DNMT1: variants seen among roughly 807,000 people sequenced by gnomAD.
DNMT1 encodes the protein DNA (cytosine-5)-methyltransferase 1.
In DNMT1, 24 loss-of-function variants were observed where a neutral mutation model predicts 205.3. That is an observed-to-expected ratio of 0.12 (90% CI 0.08 to 0.16). The LOEUF is 0.16. DNMT1 is among the 10% of genes least tolerant of loss of function. The probability of loss-of-function intolerance (pLI) is 1.00; values close to 1 mark genes in which losing one functional copy is unlikely to be tolerated. For synonymous variants in DNMT1, 817 were observed against 839.8 expected (o/e 0.97, Z 0.47); for missense variants, 1,293 against 2,177.7 (o/e 0.59, Z 8.09).
Position 10,146,097 on chromosome 19 carries a change from C to T in DNMT1, c.2894+254G>A, listed in dbSNP as rs546301879. ...CCCACTGCCTCGGCCTCCCAAAGCG[C>T]TGGGATTACAGGCGTGAGAAACCAC... On this transcript the variant is annotated intron_variant, in intron 28 of 40. Coordinates refer to ENST00000359526, the MANE Select transcript of DNMT1 (RefSeq NM_001130823.3). The surrounding 1 kb of genome is among the most constrained non-coding windows in gnomAD (Gnocchi z 4.4). Among the ~76,000 whole-genome samples, 5 of 152,188 alleles carry T rather than the reference C, an allele frequency of 3.3e-5. No individual in the cohort carries two copies. The highest frequency in any genetic ancestry group is 5.9e-5 in the Non-Finnish European group (4 of 68,034).
At chr19:10,175,404 G>T in intron 7 of DNMT1, 136 bp downstream of exon 7, 1 of 874,794 alleles carries the variant, frequency 1.1e-6, no homozygotes, top group South Asian at 1.4e-5. Flanking sequence ...ACATTCTATT[G>T]GTCCTGTCTC....
chr19:10,148,782 G>C, intron 27 of DNMT1, 102 bp downstream of exon 27: 2 of 1,593,720 alleles, frequency 1.3e-6, no homozygotes, highest in Non-Finnish European at 1.7e-6. Flanking sequence ...GACACAAACT[G>C]GGGGGCCGTT....
rs1196902319 is a variant in DNMT1 at position 10,138,618 on chromosome 19, A to C, written c.3949-13T>G. On this transcript the variant is annotated splice_polypyrimidine_tract_variant and intron_variant, in intron 34 of 40. Transcript: ENST00000359526. The surrounding 1 kb of genome is among the most constrained non-coding windows in gnomAD (Gnocchi z 4.1). ...CGTACTGACCGGCCTGTGGGGGAGA[A>C]GGACGGACAACCCCACCGTCAGTGG... The C allele has an allele frequency of 6.3e-7, 1 of 1,599,232 alleles. No individual in the cohort carries two copies. Among genetic ancestry groups the C allele is most frequent in the Non-Finnish European group, 8.5e-7 (1 of 1,179,406 alleles).
chr19:10,194,359 A>AC (rs201354219), intron 1 of DNMT1, among the ~76,000 whole-genome samples: 2,791 of 151,188 alleles, frequency 0.018, 91 homozygotes, highest in African/African-American at 0.064. Context: ...GCACTGAGGG[A>AC]CCCCCCACCA....
chr19:10,142,264 A>T, intron 29 of DNMT1, 44 bp from the exon 30 acceptor site: 1 of 1,612,974 alleles, frequency 6.2e-7, no homozygotes, highest in Non-Finnish European at 8.5e-7. Context: ...CTTTGTGGTG[A>T]GCTTATGCTG....
chr19:10,172,958 G>T, intron 9 of DNMT1, 132 bp downstream of exon 9: 2 of 1,020,012 alleles, frequency 2.0e-6, no homozygotes, highest in Non-Finnish European at 3.0e-6. Context: ...AAAGTCAAAG[G>T]CATTTCGATC....
intron 26 of DNMT1, 126 bp from the exon 27 acceptor site, chr19:10,149,143 G>T (rs2038274994): frequency 7.6e-6 from 10 of 1,317,176 alleles, no homozygotes; most frequent in Non-Finnish European, 9.5e-6. Context: ...GGCCAACATG[G>T]TGAAACCCCG....
At chr19:10,193,228 TGGG>T (rs2039334775) in intron 1 of DNMT1, among the ~76,000 whole-genome samples, 1 of 152,076 alleles carries the variant, frequency 6.6e-6, no homozygotes, top group South Asian at 2.1e-4. Flanking sequence ...GGCATGGTGG[TGGG>T]CGCCTGTGGT....
At chr19:10,175,689 C>T in intron 6 of DNMT1, 71 bp from the exon 7 acceptor site, 1 of 1,420,410 alleles carries the variant, frequency 7.0e-7, no homozygotes, top group South Asian at 1.1e-5. Flanking sequence ...GAAGTGGACC[C>T]TCATTCACCA....
rs771213157 is a variant in DNMT1 at position 10,146,557 on chromosome 19, C to T, written c.2721-33G>A. On this transcript the variant is annotated intron_variant, in intron 27 of 40. Coordinates refer to ENST00000359526, the MANE Select transcript of DNMT1 (RefSeq NM_001130823.3). The surrounding 1 kb of genome is among the most constrained non-coding windows in gnomAD (Gnocchi z 4.4). ...AAACAAAGGGACAGAAACATAAGGC[C>T]CTGAGGTGGCCGGCAGTGGCCGCAG... is the stretch of plus-strand genomic sequence containing the variant. 32 of 1,613,166 alleles carry T rather than the reference C, an allele frequency of 2.0e-5. No individual in the cohort carries two copies. Among genetic ancestry groups the T allele is most frequent in the African/African-American group, 2.7e-5 (2 of 74,920 alleles).
intron 37 of DNMT1, 114 bp from the exon 38 acceptor site, chr19:10,136,401 TG>T (rs2089484294): frequency 7.3e-7 from 1 of 1,369,792 alleles, no homozygotes; most frequent in Admixed American, 2.0e-5. Flanking sequence ...AGGGGCCCCC[TG>T]GGGTGGAGCA....
In DNMT1 at chr19:10,149,661, G is replaced by A. The variant is rs74505694; in HGVS notation, c.2382-4C>T. On this transcript the variant is annotated splice_polypyrimidine_tract_variant and splice_region_variant and intron_variant, in intron 25 of 40. Coordinates refer to ENST00000359526, the MANE Select transcript of DNMT1 (RefSeq NM_001130823.3). ...GTCCTCCCACAGCGCCGTGACCCTG[G>A]AATCAGAAGACGGGCATGGGGAGAA... is the stretch of plus-strand genomic sequence containing the variant. 4.0e-3 allele frequency: 6,533 copies of A among 1,613,518 alleles called. 131 individuals carry two copies. The highest frequency in any genetic ancestry group is 0.035 in the East Asian group (1,577 of 44,874).
At chr19:10,145,399 C>T (rs2038176683) in intron 28 of DNMT1, among the ~76,000 whole-genome samples, 1 of 152,194 alleles carries the variant, frequency 6.6e-6, no homozygotes, top group African/African-American at 2.4e-5. Flanking sequence ...TCTCATAATT[C>T]ACAGTAACTG....
chr19:10,150,806 T>C (rs1476348847), intron 24 of DNMT1, among the ~76,000 whole-genome samples: 2 of 152,048 alleles, frequency 1.3e-5, no homozygotes, highest in Non-Finnish European at 2.9e-5. Context: ...AAACAAGCTA[T>C]GAGGGGCCAG....
intron 30 of DNMT1, 162 bp downstream of exon 30, chr19:10,141,865 AC>A (rs2089606826): frequency 1.3e-6 from 1 of 748,088 alleles, no homozygotes; most frequent in Non-Finnish European, 2.1e-6. Flanking sequence ...CCCTGCTCAG[AC>A]CCCCGTAAAG....
At chr19:10,144,409 C>CA in intron 28 of DNMT1, 9 of 193,384 alleles carry the variant, frequency 4.7e-5, no homozygotes, top group East Asian at 1.4e-4. Flanking sequence ...CTCCATCTCA[C>CA]AGAAAAAAAA....
In DNMT1 at chr19:10,138,566, T is replaced by C; in HGVS notation, c.3988A>G (p.Ile1330Val). The C allele has an allele frequency of 6.2e-7, 1 of 1,609,464 alleles. No individual in the cohort carries two copies. The highest frequency in any genetic ancestry group is 8.5e-7 in the Non-Finnish European group (1 of 1,179,990). The part of the protein sequence containing the change: ...YGVAQTRRRA[I>V]ILAAAPGEKL... Reference sequence around the variant, plus strand: ...TCTCCAGGGGCCGCGGCCAGGATGATGGCCCGCCTCCTAGTCTGGGCCACG... The same window carrying C: ...TCTCCAGGGGCCGCGGCCAGGATGACGGCCCGCCTCCTAGTCTGGGCCACG... Residue 1330 changes from isoleucine to valine, a missense_variant, in exon 35 of 41, where the codon ATC becomes GTC. This residue lies in a region of DNMT1 where 38 missense variants were observed against 141.1 expected (regional missense o/e 0.27). Coordinates refer to ENST00000359526, the MANE Select transcript of DNMT1 (RefSeq NM_001130823.3). This position sits in a 1 kb window ranked among gnomAD's most constrained non-coding sequence, Gnocchi z 4.1.
Position 10,133,439 on chromosome 19 carries a change from T to C in DNMT1, c.*228A>G, listed in dbSNP as rs1246527453. 3 of 590,008 alleles carry C rather than the reference T, an allele frequency of 5.1e-6. No homozygotes were observed. The highest frequency in any genetic ancestry group is 9.1e-6 in the Non-Finnish European group (3 of 331,392). The allele number at this position is 590,008 out of a possible 1,614,324, so 36.5% of individuals were successfully genotyped here. ...CACTCATACAGTGGTAGATTTGATA[T>C]AATGCATAATAAAAAACTTTTAAAA... On this transcript the variant is annotated 3_prime_UTR_variant, in exon 41 of 41. Coordinates refer to ENST00000359526, the MANE Select transcript of DNMT1 (RefSeq NM_001130823.3). The surrounding 1 kb of genome is among the most constrained non-coding windows in gnomAD (Gnocchi z 4.1).
At chr19:10,163,926 G>A (rs1017199445) in intron 11 of DNMT1, among the ~76,000 whole-genome samples, 2 of 152,028 alleles carry the variant, frequency 1.3e-5, no homozygotes, top group African/African-American at 2.4e-5. Flanking sequence ...AGCTCGGGGG[G>A]CCCTGCACCG....
Sources: allele counts gnomAD v4.1 joint callset (sites outside exome capture counted in the v4.1 genomes callset), GRCh38; gene constraint gnomAD v4.1.1; regional missense constraint gnomAD v4.1.1; non-coding constraint Gnocchi (gnomAD v3.1); transcripts MANE v1.5; gene names NCBI Gene and HGNC (gene_info 2026-07-23, HGNC 2026-07-21).